The following DOK6 variants were observed in gnomAD, a reference collection of about 807,000 sequenced individuals.
DOK6 encodes the protein docking protein 6, also known as downstream of tyrosine kinase 6.
DOK6 carries 22 observed loss-of-function variants against 44.0 expected under a neutral mutation model. The observed-to-expected ratio is 0.50, with a 90% confidence interval of 0.36 to 0.71. DOK6 has a LOEUF of 0.71. DOK6 is among the 30% of genes least tolerant of loss of function. The pLI is 0.00. For synonymous variants in DOK6, 166 were observed against 145.5 expected, an observed-to-expected ratio of 1.14 and a Z score of -1.01; for missense variants, 340 against 416.4, an observed-to-expected ratio of 0.82 and a Z score of 1.60.
chr18:69,431,587 C>T (rs185739838), intron 1 of DOK6, among the ~76,000 whole-genome samples: 5 of 152,228 alleles, frequency 3.3e-5, no homozygotes, highest in African/African-American at 4.8e-5. Context: ...TTGCATCGGG[C>T]GCTACCTGTC....
chr18:69,635,008 G>C (rs1984770954), intron 3 of DOK6, among the ~76,000 whole-genome samples: 1 of 152,156 alleles, frequency 6.6e-6, no homozygotes, highest in Admixed American at 6.5e-5. Context: ...CAGACAGCCA[G>C]GCACACCTGT....
chr18:69,606,822 G>A lies in DOK6; in HGVS notation c.289+7324G>A, dbSNP rs1325641945. Among the ~76,000 whole-genome samples the A allele has an allele frequency of 2.1e-5, 3 of 144,718 alleles. No homozygotes were observed. In the Admixed American group the frequency reaches 2.2e-4, roughly 11 times the overall value. 94.9% of individuals were successfully genotyped at this position (144,718 alleles called of 152,430 possible). A position where few individuals can be genotyped will look rare whatever the true frequency, so the allele number is the denominator to read the frequency against. On this transcript the variant is annotated intron_variant, in intron 3 of 7. Coordinates refer to ENST00000382713, the MANE Select transcript of DOK6 (RefSeq NM_152721.6). ...GTCGCCCAGGCTGCTGGAGTGCAGT[G>A]GCGCAATCTCGGCCCACTGCAACCT...
chr18:69,772,646 C>A (rs1452999161), intron 7 of DOK6, among the ~76,000 whole-genome samples: 1 of 151,918 alleles, frequency 6.6e-6, no homozygotes, highest in East Asian at 1.9e-4. Flanking sequence ...AACTGGATAT[C>A]CACATGCAAA....
At chr18:69,545,538 A>T (rs1380057377) in intron 1 of DOK6, among the ~76,000 whole-genome samples, 5 of 150,432 alleles carry the variant, frequency 3.3e-5, no homozygotes, top group Non-Finnish European at 7.4e-5. Context: ...AAAAAAGAAA[A>T]GAAAAAACAC....
intron 7 of DOK6, among the ~76,000 whole-genome samples, chr18:69,815,405 T>G (rs1448616618): frequency 1.3e-5 from 2 of 152,194 alleles, no homozygotes; most frequent in Non-Finnish European, 2.9e-5. Context: ...AAACGTTAAC[T>G]ACAAAGCAGT....
chr18:69,706,692 C>T (rs1471267436), intron 5 of DOK6, among the ~76,000 whole-genome samples: 45 of 129,816 alleles, frequency 3.5e-4, no homozygotes, highest in Non-Finnish European at 6.1e-4. Context: ...CCTCCCCCCA[C>T]CCCACAACAG....
chr18:69,592,599 A>C (rs1333983945), intron 2 of DOK6, among the ~76,000 whole-genome samples: 7 of 152,144 alleles, frequency 4.6e-5, no homozygotes, highest in Non-Finnish European at 8.8e-5. Context: ...ATTTTTCATC[A>C]TGGAACGTAT....
rs2145144753 is a variant in DOK6 at position 69,844,828 on chromosome 18, A to G, written c.*3445A>G. 6.6e-6 allele frequency: 1 copy of G among 152,372 alleles called. No homozygotes were observed. Among genetic ancestry groups the G allele is most frequent in the Non-Finnish European group, 1.5e-5 (1 of 68,038 alleles). The allele number at this position is 152,372 out of a possible 1,614,324, so 9.4% of individuals were successfully genotyped here. A position where few individuals can be genotyped will look rare whatever the true frequency, so the allele number is the denominator to read the frequency against. ...ACCTTTTTCACCAAATAGTAACTAG[A>G]GAACTAGTCCTAGTATCTTGCGTAA... On this transcript the variant is annotated 3_prime_UTR_variant, in exon 8 of 8. Coordinates refer to ENST00000382713, the MANE Select transcript of DOK6 (RefSeq NM_152721.6).
chr18:69,691,317 A>G (rs1271791682), intron 4 of DOK6, among the ~76,000 whole-genome samples: 4 of 152,196 alleles, frequency 2.6e-5, no homozygotes, highest in Non-Finnish European at 5.9e-5. Context: ...AAGTGTTAAG[A>G]GAGACATAAA....
intron 3 of DOK6, among the ~76,000 whole-genome samples, chr18:69,667,946 C>T (rs1252188414): frequency 2.0e-5 from 3 of 152,176 alleles, no homozygotes; most frequent in East Asian, 1.9e-4. Context: ...TTCATCCATC[C>T]ACTTCAATAA....
chr18:69,591,054 G>A (rs1047382133), intron 2 of DOK6, among the ~76,000 whole-genome samples: 1 of 152,122 alleles, frequency 6.6e-6, no homozygotes, highest in Non-Finnish European at 1.5e-5. Flanking sequence ...CATCAAGGCC[G>A]TGGCTCCAAA....
chr18:69,412,372 G>C (rs1057444038), intron 1 of DOK6, among the ~76,000 whole-genome samples: 1 of 152,102 alleles, frequency 6.6e-6, no homozygotes, highest in Admixed American at 6.6e-5. Flanking sequence ...ACTATGGCTT[G>C]TGACAATGAC....
At chr18:69,519,642 A>G (rs1362198710) in intron 1 of DOK6, among the ~76,000 whole-genome samples, 5 of 151,972 alleles carry the variant, frequency 3.3e-5, no homozygotes, top group African/African-American at 7.2e-5. Flanking sequence ...TGAATGTTTT[A>G]AAGAGCTTCT....
chr18:69,795,246 G>T (rs961753623), intron 7 of DOK6, among the ~76,000 whole-genome samples: 1 of 151,934 alleles, frequency 6.6e-6, no homozygotes, highest in Non-Finnish European at 1.5e-5. Context: ...CAAGACAAGC[G>T]GATGATCATC....
At chr18:69,444,865 C>G (rs1350442374) in intron 1 of DOK6, among the ~76,000 whole-genome samples, 1 of 151,910 alleles carries the variant, frequency 6.6e-6, no homozygotes, top group Non-Finnish European at 1.5e-5. Context: ...AATTTTGGAT[C>G]AGGTTTTCTC....
At chr18:69,546,678 T>C (rs1293968239) in intron 1 of DOK6, among the ~76,000 whole-genome samples, 1 of 151,636 alleles carries the variant, frequency 6.6e-6, no homozygotes, top group African/African-American at 2.4e-5. Context: ...TTTTTATTGG[T>C]ACATAATATT....
intron 1 of DOK6, among the ~76,000 whole-genome samples, chr18:69,483,939 G>A (rs931276850): frequency 2.2e-4 from 33 of 152,054 alleles, no homozygotes; most frequent in Admixed American, 5.9e-4. Flanking sequence ...GGGTTTGTTC[G>A]TTTGAATAAC....
chr18:69,560,000 A>G (rs1231489431), intron 1 of DOK6, among the ~76,000 whole-genome samples: 5 of 152,056 alleles, frequency 3.3e-5, no homozygotes, highest in Admixed American at 6.6e-5. Flanking sequence ...GCACCTTGGG[A>G]GTTAGGGCAT....
intron 2 of DOK6, among the ~76,000 whole-genome samples, chr18:69,592,228 T>C (rs1983638178): frequency 1.4e-5 from 2 of 141,824 alleles, no homozygotes; most frequent in Admixed American, 7.3e-5. Context: ...GCTTTTGTTT[T>C]TCTTTTTTCT....
Sources: gnomAD v4.1 joint callset for allele counts (sites outside exome capture counted in the v4.1 genomes callset) on GRCh38, gnomAD v4.1.1 for gene constraint, MANE v1.5 for transcripts, NCBI Gene and HGNC (gene_info 2026-07-23, HGNC 2026-07-21) for gene names.